The following RALGPS2 variants were observed in gnomAD, a reference collection of about 807,000 sequenced individuals.
RALGPS2 encodes Ral GEF with PH domain and SH3 binding motif 2, also known as ras-specific guanine nucleotide-releasing factor RalGPS2.
A neutral mutation model predicts 86.8 loss-of-function variants in RALGPS2; 43 were observed. The observed-to-expected ratio is 0.50, with a 90% CI of 0.39 to 0.64. RALGPS2 has a LOEUF of 0.64. Ranked by LOEUF, RALGPS2 falls within the 30% of genes least tolerant of loss-of-function variation. The pLI is 0.00. For synonymous variants in RALGPS2, 243 were observed against 231.3 expected (o/e 1.05, Z -0.46); for missense variants, 536 against 694.6 (o/e 0.77, Z 2.57).
At chr1:178,801,346 G>A (rs896466890) in intron 4 of RALGPS2, among the ~76,000 whole-genome samples, 1 of 151,980 alleles carries the variant, frequency 6.6e-6, no homozygotes, top group African/African-American at 2.4e-5. Context: ...TTCCCATCCT[G>A]AAAACAGATG....
chr1:178,811,605 A>G (rs1572356659), intron 6 of RALGPS2, among the ~76,000 whole-genome samples: 3 of 152,074 alleles, frequency 2.0e-5, no homozygotes, highest in South Asian at 4.1e-4. Context: ...TTTCTTTTAT[A>G]TTCTTCCTCC....
chr1:178,901,599 G>A (rs1660175744), intron 17 of RALGPS2, among the ~76,000 whole-genome samples: 1 of 150,784 alleles, frequency 6.6e-6, no homozygotes, highest in South Asian at 2.1e-4. Context: ...ATACAAGTAA[G>A]AATATTGTCA....
intron 6 of RALGPS2, among the ~76,000 whole-genome samples, chr1:178,815,379 C>CT (rs1655177430): frequency 6.6e-6 from 1 of 152,150 alleles, no homozygotes; most frequent in African/African-American, 2.4e-5. Flanking sequence ...GCCACCGCGC[C>CT]TGGCAGTCTT....
chr1:178,726,663 C>G (rs941901716), intron 1 of RALGPS2, among the ~76,000 whole-genome samples: 3 of 151,642 alleles, frequency 2.0e-5, no homozygotes, highest in Non-Finnish European at 4.4e-5. Context: ...ATTTTTTTTC[C>G]CCAACACTTT....
chr1:178,880,561 T>C (rs1659202339), intron 10 of RALGPS2, among the ~76,000 whole-genome samples: 2 of 152,174 alleles, frequency 1.3e-5, no homozygotes, highest in East Asian at 3.8e-4. Flanking sequence ...GTCTGTGTCT[T>C]ATACTTACCA....
intron 7 of RALGPS2, among the ~76,000 whole-genome samples, chr1:178,827,066 T>C (rs2102236156): frequency 6.6e-6 from 1 of 152,292 alleles, no homozygotes; most frequent in South Asian, 2.1e-4. Flanking sequence ...TGTACATTAA[T>C]AACGAACTAT....
rs940704375 is a variant in RALGPS2 at position 178,880,445 on chromosome 1, T to C, written c.836+1453T>C. ...ACCAATTTTCAGTCTACAAAAAGTTTCTACATGGTTACTTACTTGAAAATG... is the reference window on the plus strand; with the variant it reads ...ACCAATTTTCAGTCTACAAAAAGTTCCTACATGGTTACTTACTTGAAAATG... On this transcript the variant is annotated intron_variant, in intron 10 of 19. Transcript: ENST00000367635. 7.9e-5 allele frequency among the ~76,000 whole-genome samples: 12 copies of C among 152,362 alleles called. No individual in the cohort carries two copies. The South Asian group carries it at 2.5e-3, about 32-fold the overall frequency.
At chr1:178,873,981 C>T (rs1162846270) in intron 8 of RALGPS2, among the ~76,000 whole-genome samples, 3 of 151,976 alleles carry the variant, frequency 2.0e-5, no homozygotes, top group Non-Finnish European at 2.9e-5. Flanking sequence ...CCTGGGTTCT[C>T]GCCATTCTCC....
At chr1:178,847,954 C>T (rs1400807572) in intron 8 of RALGPS2, among the ~76,000 whole-genome samples, 1 of 152,126 alleles carries the variant, frequency 6.6e-6, no homozygotes, top group Non-Finnish European at 1.5e-5. Flanking sequence ...GTGTTCTAGG[C>T]AATGATGGCC....
intron 4 of RALGPS2, among the ~76,000 whole-genome samples, chr1:178,803,575 A>G (rs1255568211): frequency 2.0e-5 from 3 of 151,734 alleles, no homozygotes; most frequent in African/African-American, 7.2e-5. Flanking sequence ...TTGTGTGAAT[A>G]TAATTTTTAC....
chr1:178,742,797 A>C (rs1322872697), intron 1 of RALGPS2, among the ~76,000 whole-genome samples: 1 of 152,264 alleles, frequency 6.6e-6, no homozygotes, highest in Non-Finnish European at 1.5e-5. Context: ...ACTATTAACA[A>C]AATGGGGGAA....
intron 1 of RALGPS2, among the ~76,000 whole-genome samples, chr1:178,760,760 A>G (rs925866936): frequency 3.3e-5 from 5 of 150,932 alleles, no homozygotes; most frequent in Admixed American, 1.3e-4. Context: ...TGGTGATGAT[A>G]TGCCTTGGTG....
At chr1:178,742,780 A>G (rs950495397) in intron 1 of RALGPS2, among the ~76,000 whole-genome samples, 2 of 152,264 alleles carry the variant, frequency 1.3e-5, no homozygotes, top group African/African-American at 4.8e-5. Flanking sequence ...GTGTAATTCA[A>G]TTTGAAACTA....
chr1:178,737,354 C>A (rs1650767281), intron 1 of RALGPS2, among the ~76,000 whole-genome samples: 1 of 152,174 alleles, frequency 6.6e-6, no homozygotes, highest in African/African-American at 2.4e-5. Flanking sequence ...TCAAGCAATT[C>A]TCTGCCTCAG....
intron 8 of RALGPS2, chr1:178,851,283 C>T: frequency 6.2e-7 from 1 of 1,611,498 alleles, no homozygotes; most frequent in Non-Finnish European, 8.5e-7. Flanking sequence ...GGCATTGTAC[C>T]ACCAGCCTCC....
At chr1:178,775,081 G>T (rs1653009953) in intron 1 of RALGPS2, among the ~76,000 whole-genome samples, 1 of 152,128 alleles carries the variant, frequency 6.6e-6, no homozygotes, top group Non-Finnish European at 1.5e-5. Flanking sequence ...GAATTAAGCA[G>T]ATAGTAACAT....
Position 178,865,380 on chromosome 1 carries a change from G to A in RALGPS2, c.608-12118G>A, listed in dbSNP as rs144603345. The A allele has an allele frequency of 1.9e-5, 30 of 1,614,058 alleles. No homozygotes were observed. In the African/African-American group the frequency reaches 2.8e-4, roughly 15 times the overall value. ...ATCTCATGTAATAATTGCATATAGAGTTGAGTAACACGAGAGTTCATGTTA... is the reference window on the plus strand; with the variant it reads ...ATCTCATGTAATAATTGCATATAGAATTGAGTAACACGAGAGTTCATGTTA... On this transcript the variant is annotated intron_variant, in intron 8 of 19. Transcript: ENST00000367635.
At chr1:178,801,767 T>C (rs1439258202) in intron 4 of RALGPS2, among the ~76,000 whole-genome samples, 3 of 127,296 alleles carry the variant, frequency 2.4e-5, no homozygotes, top group South Asian at 2.8e-4. Context: ...ATTCAAGAGC[T>C]AATAAACACC....
chr1:178,877,581 T>G lies in RALGPS2; in HGVS notation c.691T>G (p.Leu231Val), dbSNP rs1432958289. 3.1e-6 allele frequency: 5 copies of G among 1,613,552 alleles called. No individual in the cohort carries two copies. The highest frequency in any genetic ancestry group is 4.2e-6 in the Non-Finnish European group (5 of 1,179,616). ...SILENEQRSNLMNNILRIISD... is the reference protein window; with the variant it reads ...SILENEQRSNVMNNILRIISD... ...TCTAGAAAATGAGCAAAGATCAAAT[T>G]TAATGAATAATATCCTTCGAATAAT... The change falls in exon 9 of 20, where the codon TTA (leucine) becomes GTA (valine). Residue 231 changes from leucine (L) to valine (V), a missense_variant. This residue lies in a region of RALGPS2 where 184 missense variants were observed against 296.7 expected (regional missense o/e 0.62). Coordinates refer to ENST00000367635, the MANE Select transcript of RALGPS2 (RefSeq NM_152663.5).
Sources: allele counts gnomAD v4.1 joint callset (sites outside exome capture counted in the v4.1 genomes callset), GRCh38; gene constraint gnomAD v4.1.1; regional missense constraint gnomAD v4.1.1; transcripts MANE v1.5; gene names NCBI Gene and HGNC (gene_info 2026-07-23, HGNC 2026-07-21).